MMD: variants seen among roughly 807,000 people sequenced by gnomAD.
MMD encodes monocyte to macrophage differentiation factor.
Under a neutral mutation model 33.6 loss-of-function variants are expected in MMD, and 22 were observed. The observed-to-expected ratio is 0.66, with a 90% CI of 0.47 to 0.94. The LOEUF is 0.94. Among genes scored for constraint, MMD ranks in the 40% least tolerant of loss-of-function variants. The pLI is 0.00. For missense variants in MMD, 242 were observed against 309.8 expected (o/e 0.78, Z 1.64); for synonymous variants, 97 against 103.2 (o/e 0.94, Z 0.36).
chr17:55,400,700 GAT>G (rs1224882061), intron 6 of MMD, among the ~76,000 whole-genome samples: 1 of 152,128 alleles, frequency 6.6e-6, no homozygotes, highest in Non-Finnish European at 1.5e-5. Flanking sequence ...TAGAGCCTAA[GAT>G]ACTGCAATAT....
chr17:55,393,984 T>C lies in MMD; in HGVS notation c.*350A>G, dbSNP rs942673791. On this transcript the variant is annotated 3_prime_UTR_variant, in exon 7 of 7. Coordinates refer to ENST00000262065, the MANE Select transcript of MMD (RefSeq NM_012329.3). Reference sequence around the variant, plus strand: ...AATTTTCTTCTTAAAAAGGAAGGTTTGTTATTGCACTGACTTTTACAACCT... The same window carrying C: ...AATTTTCTTCTTAAAAAGGAAGGTTCGTTATTGCACTGACTTTTACAACCT... 1.2e-5 allele frequency: 2 copies of C among 163,766 alleles called. No homozygotes were observed. Among genetic ancestry groups the C allele is most frequent in the Non-Finnish European group, 2.6e-5 (2 of 75,814 alleles). The allele number at this position is 163,766 out of a possible 1,614,324, so 10.1% of individuals were successfully genotyped here.
Position 55,411,265 on chromosome 17 carries a change from G to T in MMD, c.261C>A (p.Ser87Arg). 1 of 1,612,682 alleles carries T rather than the reference G, an allele frequency of 6.2e-7. No individual in the cohort carries two copies. The highest frequency in any genetic ancestry group is 8.5e-7 in the Non-Finnish European group (1 of 1,179,492). Reference sequence around the variant, plus strand: ...CATGTCATCCACTGTACCTTAAGTGGCTCTTTTTCCATGATACAATGTGAA... The same window carrying T: ...CATGTCATCCACTGTACCTTAAGTGTCTCTTTTTCCATGATACAATGTGAA... ...TVFHIVSWKKSHLRTVEHCFH... is the reference protein window; with the variant it reads ...TVFHIVSWKKRHLRTVEHCFH... Residue 87 changes from serine (S) to arginine (R), a missense_variant, in exon 3 of 7, where the codon AGC (serine) becomes AGA (arginine). Transcript: ENST00000262065.
At chr17:55,412,033 T>C (rs1277592282) in intron 2 of MMD, among the ~76,000 whole-genome samples, 1 of 152,190 alleles carries the variant, frequency 6.6e-6, no homozygotes, top group Non-Finnish European at 1.5e-5. Flanking sequence ...GCCATGATTG[T>C]ACCACTGAAC....
intron 1 of MMD, among the ~76,000 whole-genome samples, chr17:55,419,602 T>G (rs1036710581): frequency 4.7e-5 from 6 of 127,664 alleles, no homozygotes; most frequent in African/African-American, 1.3e-4. Context: ...AGATGCAGAA[T>G]AGTACTACTC....
intron 1 of MMD, among the ~76,000 whole-genome samples, chr17:55,417,814 C>CA (rs1246398719): frequency 1.3e-5 from 2 of 152,100 alleles, no homozygotes; most frequent in African/African-American, 2.4e-5. Context: ...CAAACAACAA[C>CA]AAAAAACCCA....
chr17:55,402,043 C>A (rs1356402328), intron 5 of MMD, among the ~76,000 whole-genome samples: 2 of 144,876 alleles, frequency 1.4e-5, no homozygotes, highest in African/African-American at 5.2e-5. Context: ...GAGATCGCAC[C>A]ACTGCACTCC....
At position 55,421,747 on chromosome 17, in the gene MMD, C is replaced by T. The variant is rs777769865; in HGVS notation, c.-52G>A. 2 of 1,556,770 alleles carry T rather than the reference C, an allele frequency of 1.3e-6. No individual in the cohort carries two copies. Among genetic ancestry groups the T allele is most frequent in the South Asian group, 1.2e-5 (1 of 86,268 alleles). ...AGGAGCTCCGTCTCGTCAGCACCGG[C>T]GGCCGGGCGCGCGGCCCTCATGGGC... On this transcript the variant is annotated 5_prime_UTR_variant, in exon 1 of 7. Transcript: ENST00000262065.
At chr17:55,397,505 CATTTT>C (rs1567845405) in intron 6 of MMD, among the ~76,000 whole-genome samples, 1 of 151,678 alleles carries the variant, frequency 6.6e-6, no homozygotes, top group Non-Finnish European at 1.5e-5. Context: ...TTCCTTTCCG[CATTTT>C]ATTTATTTAT....
chr17:55,421,521 G>T, intron 1 of MMD, 149 bp downstream of exon 1: 1 of 1,124,526 alleles, frequency 8.9e-7, no homozygotes, highest in Non-Finnish European at 1.3e-6. Context: ...CAGCAGGGTG[G>T]GGAATCCCCA....
At chr17:55,398,309 C>A (rs1364246182) in intron 6 of MMD, among the ~76,000 whole-genome samples, 5 of 151,504 alleles carry the variant, frequency 3.3e-5, no homozygotes, top group Admixed American at 3.3e-4. Flanking sequence ...TTAAATCCCT[C>A]CAATAATTTT....
intron 3 of MMD, among the ~76,000 whole-genome samples, chr17:55,408,645 C>A (rs1010331119): frequency 6.6e-6 from 1 of 152,082 alleles, no homozygotes; most frequent in Non-Finnish European, 1.5e-5. Context: ...AGACTTTCCT[C>A]CCCCTACACG....
intron 4 of MMD, 26 bp downstream of exon 4, chr17:55,407,720 T>G: frequency 6.3e-7 from 1 of 1,581,582 alleles, no homozygotes; most frequent in Non-Finnish European, 8.6e-7. Flanking sequence ...ATCACTACCT[T>G]CGAAAATAGG....
Position 55,411,314 on chromosome 17 carries a change from G to A in MMD, c.212C>T (p.Ala71Val). 1 of 1,614,090 alleles carries A rather than the reference G, an allele frequency of 6.2e-7. No individual in the cohort carries two copies. Among genetic ancestry groups the A allele is most frequent in the Non-Finnish European group, 8.5e-7 (1 of 1,179,976 alleles). ...TAWIYGMGLC[A>V]LFIVSTVFHI... ...AAATACTGTAGAAACGATGAAGAGGGCACAGAGTCCCATTCCATAAATCCA... is the reference window on the plus strand; with the variant it reads ...AAATACTGTAGAAACGATGAAGAGGACACAGAGTCCCATTCCATAAATCCA... Residue 71 changes from alanine (A) to valine (V), a missense_variant, in exon 3 of 7, where the codon GCC becomes GTC. Coordinates refer to ENST00000262065, the MANE Select transcript of MMD (RefSeq NM_012329.3).
At chr17:55,400,129 G>A (rs17819013) in intron 6 of MMD, among the ~76,000 whole-genome samples, 55,998 of 151,874 alleles carry the variant, frequency 0.37, 10,855 homozygotes, top group South Asian at 0.43. Flanking sequence ...CATAAACCTC[G>A]TATCTCAAAG....
At chr17:55,400,451 A>G (rs1446970455) in intron 6 of MMD, among the ~76,000 whole-genome samples, 1 of 151,292 alleles carries the variant, frequency 6.6e-6, no homozygotes, top group Non-Finnish European at 1.5e-5. Flanking sequence ...TAGGAGGCTG[A>G]GGTGGGAGAA....
rs941235847 is a variant in MMD at position 55,414,620 on chromosome 17, A to C, written c.27-388T>G. The stretch of plus-strand genomic sequence containing the variant: ...CACACGGTACAACTAGAAAAAAAAA[A>C]CGAATTTTTCTAAATTTTATTGTCA... On this transcript the variant is annotated intron_variant, in intron 1 of 6. Coordinates refer to ENST00000262065, the MANE Select transcript of MMD (RefSeq NM_012329.3). Among the ~76,000 whole-genome samples, 13 of 151,666 alleles carry C rather than the reference A, an allele frequency of 8.6e-5. No individual in the cohort carries two copies. In the East Asian group the frequency reaches 1.4e-3, roughly 16 times the overall value.
Position 55,407,758 on chromosome 17 carries a change from G to A in MMD, c.332C>T (p.Ser111Phe). 6.2e-7 allele frequency: 1 copy of A among 1,602,082 alleles called. No homozygotes were observed. The highest frequency in any genetic ancestry group is 2.3e-5 in the East Asian group (1 of 44,314). The change falls in exon 4 of 7, where the codon TCT becomes TTT. Residue 111 changes from serine to phenylalanine, a missense_variant. Ser to Phe is a radical substitution (Grantham distance 155, BLOSUM62 -2). Transcript: ENST00000262065. ...RMVIYFFIAA[S>F]YAPWLNLREL... ...GACTGTATCTTACCATGGAGCATAA[G>A]AAGCAGCAATGAAGAAATAGATAAC...
In MMD at chr17:55,411,341, G is replaced by A; in HGVS notation, c.185C>T (p.Ala62Val). 1.9e-6 allele frequency: 3 copies of A among 1,614,038 alleles called. No individual in the cohort carries two copies. The highest frequency in any genetic ancestry group is 1.1e-5 in the South Asian group (1 of 91,082). ...ACAGAGTCCCATTCCATAAATCCAT[G>A]CTGTTATCTTTTCCCAGCAGTCATC... is the stretch of plus-strand genomic sequence containing the variant. ...LSDDCWEKITAWIYGMGLCAL... is the reference protein window; with the variant it reads ...LSDDCWEKITVWIYGMGLCAL... The change falls in exon 3 of 7, where the codon GCA (alanine) becomes GTA (valine). Residue 62 changes from alanine (A) to valine (V), a missense_variant. By Grantham distance (64) the Ala-to-Val change is moderately conservative (BLOSUM62 0). Transcript: ENST00000262065.
intron 1 of MMD, among the ~76,000 whole-genome samples, chr17:55,414,556 TCACACA>T (rs58103743): frequency 0.036 from 4,442 of 122,782 alleles, 73 homozygotes; most frequent in African/African-American, 0.041. Flanking sequence ...CCTCCTCCAT[TCACACA>T]CACACACACA....
Sources: allele counts gnomAD v4.1 joint callset (sites outside exome capture counted in the v4.1 genomes callset), GRCh38; gene constraint gnomAD v4.1.1; transcripts MANE v1.5; gene names NCBI Gene and HGNC (gene_info 2026-07-23, HGNC 2026-07-21).